Variants in PTPN23 observed in about 807,000 individuals in gnomAD.
PTPN23 encodes tyrosine-protein phosphatase non-receptor type 23.
Under a neutral mutation model 156.3 loss-of-function variants are expected in PTPN23, and 72 were observed. That is an observed-to-expected ratio of 0.46 (90% CI 0.38 to 0.56). The LOEUF (loss-of-function observed/expected upper bound fraction) is 0.56, where lower values mean the gene tolerates loss of function less well. Among genes scored for constraint, PTPN23 ranks in the 20% least tolerant of loss-of-function variants. The pLI is 0.00. For synonymous variants in PTPN23, 957 were observed against 899.6 expected (o/e 1.06, Z -1.14); for missense variants, 1,974 against 2,171.5 (o/e 0.91, Z 1.81).
At chr3:47,385,006 C>T (rs1704625282) in intron 1 of PTPN23, among the ~76,000 whole-genome samples, 1 of 152,174 alleles carries the variant, frequency 6.6e-6, no homozygotes, top group Non-Finnish European at 1.5e-5. Flanking sequence ...AGGTGATCTG[C>T]CTGCCTCGGC....
At chr3:47,386,073 C>T (rs867947619) in intron 1 of PTPN23, among the ~76,000 whole-genome samples, 8 of 152,180 alleles carry the variant, frequency 5.3e-5, no homozygotes, top group South Asian at 2.1e-4. Flanking sequence ...GTGTTTGGGC[C>T]AGAAACAAGA....
In PTPN23 at chr3:47,411,446, C is replaced by T. The variant is rs763405777; in HGVS notation, c.3648C>T (p.Cys1216=). 10 of 1,613,066 alleles carry T rather than the reference C, an allele frequency of 6.2e-6. No individual in the cohort carries two copies. In the African/African-American group the frequency reaches 1.2e-4, roughly 19 times the overall value. The change falls in exon 20 of 25, where the codon TGC becomes TGT. Residue 1216 remains cysteine, a synonymous_variant. Coordinates refer to ENST00000265562, the MANE Select transcript of PTPN23 (RefSeq NM_015466.4). The surrounding 1 kb of genome is among the most constrained non-coding windows in gnomAD (Gnocchi z 6.3). ...ARGRSIAIAR[C]YSLKNRHQDV... Reference sequence around the variant, plus strand: ...GCCGTTCCATCGCCATTGCCCGCTGCTACTCACTGAAGAACCGGCACCAGG... The same window carrying T: ...GCCGTTCCATCGCCATTGCCCGCTGTTACTCACTGAAGAACCGGCACCAGG...
In PTPN23 at chr3:47,411,202, G is replaced by A; in HGVS notation, c.3404G>A (p.Gly1135Glu). 6.2e-7 allele frequency: 1 copy of A among 1,604,446 alleles called. No individual in the cohort carries two copies. Among genetic ancestry groups the A allele is most frequent in the Non-Finnish European group, 8.5e-7 (1 of 1,178,148 alleles). Residue 1135 changes from glycine (G) to glutamate (E), a missense_variant, in exon 20 of 25, where the codon GGG becomes GAG. Transcript: ENST00000265562. This position sits in a 1 kb window ranked among gnomAD's most constrained non-coding sequence, Gnocchi z 6.3. ...CAGCATGGCGGCACTCAGTCTCCTG[G>A]GGGTGGGCAGCCCCTGCTGCAGCCC... ...ESQHGGTQSP[G>E]GGQPLLQPTK...
At position 47,389,129 on chromosome 3, in the gene PTPN23, A is replaced by T. The variant is rs556762709; in HGVS notation, c.85-7014A>T. The stretch of plus-strand genomic sequence containing the variant: ...AGTGGTTTTAATTTTTAGCTCCCAC[A>T]AAAAAGTGAGAACATGCAGAGTTTG... On this transcript the variant is annotated intron_variant, in intron 1 of 24. Coordinates refer to ENST00000265562, the MANE Select transcript of PTPN23 (RefSeq NM_015466.4). Among the ~76,000 whole-genome samples, 4 of 152,304 alleles carry T rather than the reference A, an allele frequency of 2.6e-5. No homozygotes were observed. The South Asian group carries it at 8.3e-4, about 32-fold the overall frequency.
At chr3:47,403,111 C>T (rs575772914) in intron 2 of PTPN23, among the ~76,000 whole-genome samples, 6 of 150,760 alleles carry the variant, frequency 4.0e-5, no homozygotes, top group East Asian at 2.0e-4. Context: ...AGTGCAGTGG[C>T]GCGATTTCGG....
intron 1 of PTPN23, among the ~76,000 whole-genome samples, chr3:47,382,209 A>G (rs1704557728): frequency 6.6e-6 from 1 of 152,212 alleles, no homozygotes; most frequent in Non-Finnish European, 1.5e-5. Flanking sequence ...GTTTGAGTCC[A>G]TCATCTAGCC....
In PTPN23 at chr3:47,410,406, G is replaced by C; in HGVS notation, c.2608G>C (p.Gly870Arg). ...LPSAPPPQFS[G>R]PELAMAVRPA... ...CTCGGCCCCACCTCCTCAATTCTCAGGCCCCGAGTTGGCCATGGCGGTTCG... is the reference window on the plus strand; with the variant it reads ...CTCGGCCCCACCTCCTCAATTCTCACGCCCCGAGTTGGCCATGGCGGTTCG... The change falls in exon 20 of 25, where the codon GGC (glycine) becomes CGC (arginine). Residue 870 changes from glycine to arginine, a missense_variant. Transcript: ENST00000265562. The C allele has an allele frequency of 6.2e-7, 1 of 1,611,986 alleles. No individual in the cohort carries two copies.
Position 47,411,454 on chromosome 3 carries a change from T to C in PTPN23, c.3656T>C (p.Leu1219Pro), listed in dbSNP as rs1705287595. 1.2e-6 allele frequency: 2 copies of C among 1,613,082 alleles called. No homozygotes were observed. The highest frequency in any genetic ancestry group is 1.7e-6 in the Non-Finnish European group (2 of 1,180,018). Residue 1219 changes from leucine to proline, a missense_variant, in exon 20 of 25, where the codon CTG (leucine) becomes CCG (proline). Around this residue, in one of 4 missense-constraint regions of PTPN23, gnomAD observed 33 missense variants for 56.9 expected, o/e 0.58. Coordinates refer to ENST00000265562, the MANE Select transcript of PTPN23 (RefSeq NM_015466.4). This position sits in a 1 kb window ranked among gnomAD's most constrained non-coding sequence, Gnocchi z 6.3. ...RSIAIARCYS[L>P]KNRHQDVMPY... Reference sequence around the variant, plus strand: ...ATCGCCATTGCCCGCTGCTACTCACTGAAGAACCGGCACCAGGATGTCATG... The same window carrying C: ...ATCGCCATTGCCCGCTGCTACTCACCGAAGAACCGGCACCAGGATGTCATG...
rs1705120087 is a variant in PTPN23, at chr3:47,406,250, CT to C, written c.547-74del. On this transcript the variant is annotated intron_variant, in intron 6 of 24. Coordinates refer to ENST00000265562, the MANE Select transcript of PTPN23 (RefSeq NM_015466.4). The surrounding 1 kb of genome is among the most constrained non-coding windows in gnomAD (Gnocchi z 5.8). ...TGAAGAGGGATCCCTCAGTCTGCCC[CT>C]GGGGAAGGATAAAGGGAAGGGGAAG... The C allele has an allele frequency of 2.6e-6, 4 of 1,561,076 alleles. No homozygotes were observed. Among genetic ancestry groups the C allele is most frequent in the Admixed American group, 1.8e-5 (1 of 56,816 alleles).
Position 47,405,135 on chromosome 3 carries a change from C to A in PTPN23, c.364+54C>A. Reference sequence around the variant, plus strand: ...CTACTCCCCAGTCCTGCCAGCCTAGCTTTCAGCTCTTCAGATGGCCACAAA... The same window carrying A: ...CTACTCCCCAGTCCTGCCAGCCTAGATTTCAGCTCTTCAGATGGCCACAAA... On this transcript the variant is annotated intron_variant, in intron 4 of 24. Coordinates refer to ENST00000265562, the MANE Select transcript of PTPN23 (RefSeq NM_015466.4). The surrounding 1 kb of genome is among the most constrained non-coding windows in gnomAD (Gnocchi z 4.7). 1 of 1,542,264 alleles carries A rather than the reference C, an allele frequency of 6.5e-7. No homozygotes were observed. Among genetic ancestry groups the A allele is most frequent in the Non-Finnish European group, 9.0e-7 (1 of 1,115,270 alleles).
Position 47,407,485 on chromosome 3 carries a change from C to A in PTPN23, c.924-20C>A. 3.1e-6 allele frequency: 5 copies of A among 1,612,516 alleles called. No individual in the cohort carries two copies. Among genetic ancestry groups the A allele is most frequent in the Non-Finnish European group, 4.2e-6 (5 of 1,178,546 alleles). The stretch of plus-strand genomic sequence containing the variant: ...ACTGACACCCCGTGACTGCCCACTC[C>A]CCCTGCTCCTGATCCCCAGGTACAA... On this transcript the variant is annotated intron_variant, in intron 11 of 24. Transcript: ENST00000265562. The surrounding 1 kb of genome is among the most constrained non-coding windows in gnomAD (Gnocchi z 4.0).
intron 21 of PTPN23, 53 bp downstream of exon 21, chr3:47,412,020 T>A (rs953959365): frequency 5.0e-5 from 80 of 1,607,006 alleles, no homozygotes; most frequent in Non-Finnish European, 6.7e-5. Flanking sequence ...GTCCAGTCCT[T>A]GGTGCTGGGA....
chr3:47,409,710 A>G lies in PTPN23; in HGVS notation c.2005A>G (p.Met669Val). The G allele has an allele frequency of 6.2e-7, 1 of 1,608,694 alleles. No individual in the cohort carries two copies. The highest frequency in any genetic ancestry group is 8.5e-7 in the Non-Finnish European group (1 of 1,179,848). ...CTCGTATGAAGCCTATGAGGACCTG[A>G]TGAAGAAGTCGCAGGAGGGCAGGGA... ...VASYEAYEDLMKKSQEGRDFY... is the reference protein window; with the variant it reads ...VASYEAYEDLVKKSQEGRDFY... Residue 669 changes from methionine (M) to valine (V), a missense_variant, in exon 19 of 25, where the codon ATG (methionine) becomes GTG (valine). Physicochemically the swap from Met to Val is conservative, Grantham distance 21 (BLOSUM62 1). Coordinates refer to ENST00000265562, the MANE Select transcript of PTPN23 (RefSeq NM_015466.4).
intron 2 of PTPN23, among the ~76,000 whole-genome samples, chr3:47,404,112 C>A: frequency 6.6e-6 from 1 of 152,164 alleles, no homozygotes; most frequent in East Asian, 1.9e-4. Flanking sequence ...GAGTAAAAAA[C>A]TTAAAACATG....
intron 1 of PTPN23, among the ~76,000 whole-genome samples, chr3:47,388,751 G>A (rs370184743): frequency 7.2e-6 from 1 of 137,940 alleles, no homozygotes; most frequent in South Asian, 2.3e-4. Context: ...CACAACCTCC[G>A]CCTCCCGTGT....
chr3:47,382,356 T>G (rs1258195585), intron 1 of PTPN23, among the ~76,000 whole-genome samples: 1 of 151,448 alleles, frequency 6.6e-6, no homozygotes, highest in Non-Finnish European at 1.5e-5. Context: ...AGTTTCGCTC[T>G]TGTTGCCCAG....
chr3:47,382,285 C>T (rs1334124699), intron 1 of PTPN23, among the ~76,000 whole-genome samples: 1 of 151,562 alleles, frequency 6.6e-6, no homozygotes, highest in Non-Finnish European at 1.5e-5. Flanking sequence ...GTTATCCAGA[C>T]GTTGCTCTCT....
chr3:47,381,516 G>A (rs1201177622), intron 1 of PTPN23, among the ~76,000 whole-genome samples: 1 of 152,092 alleles, frequency 6.6e-6, no homozygotes, highest in African/African-American at 2.4e-5. Flanking sequence ...TCCATGCCAG[G>A]ACCGCCCCGC....
At position 47,409,905 on chromosome 3, in the gene PTPN23, C is replaced by T. The variant is rs370421275; in HGVS notation, c.2130-23C>T. On this transcript the variant is annotated intron_variant, in intron 19 of 24. Transcript: ENST00000265562. Reference sequence around the variant, plus strand: ...CTGGGGTGATGGGAGCCTGGCCCCACTTTTTCCTTGCCTGTCGCACAGGGA... The same window carrying T: ...CTGGGGTGATGGGAGCCTGGCCCCATTTTTTCCTTGCCTGTCGCACAGGGA... 3.2e-6 allele frequency: 5 copies of T among 1,573,050 alleles called. No individual in the cohort carries two copies. In the African/African-American group the frequency reaches 6.8e-5, roughly 21 times the overall value.
Sources: allele counts gnomAD v4.1 joint callset (sites outside exome capture counted in the v4.1 genomes callset), GRCh38; gene constraint gnomAD v4.1.1; regional missense constraint gnomAD v4.1.1; non-coding constraint Gnocchi (gnomAD v3.1); transcripts MANE v1.5; gene names NCBI Gene and HGNC (gene_info 2026-07-23, HGNC 2026-07-21).